The following GPRC5D variants were observed in gnomAD, a reference collection of about 807,000 sequenced individuals.
The protein encoded by GPRC5D is G protein-coupled receptor family C group 5 member D.
A neutral mutation model predicts 29.3 loss-of-function variants in GPRC5D; 20 were observed. The observed-to-expected ratio is 0.68, with a 90% CI of 0.48 to 0.99. The LOEUF is 0.99. Ranked by LOEUF, GPRC5D falls within the 50% of genes least tolerant of loss-of-function variation. The probability of loss-of-function intolerance (pLI) is 0.00; values close to 1 mark genes in which losing one functional copy is unlikely to be tolerated. For synonymous variants in GPRC5D, 178 were observed against 171.3 expected (o/e 1.04, Z -0.30); for missense variants, 384 against 423.6 (o/e 0.91, Z 0.82).
chr12:12,949,945 T>C, exon 1 of GPRC5D: 5 of 1,613,730 alleles, frequency 3.1e-6, no homozygotes, highest in South Asian at 1.1e-5. Context: ...GAGAGTCACA[T>C]ACTCAGTGGC....
chr12:12,944,859 T>TTC lies in GPRC5D; in HGVS notation c.896-2533_896-2532dup, dbSNP rs1158359675. ...CTTCCTTCCTTCCTTCCTTCTTTCT[T>TTC]TCTTTCTTTCTTTCTTTCTTTCTTT... On this transcript the variant is annotated intron_variant, in intron 1 of 2. Coordinates refer to ENST00000228887, the Ensembl canonical transcript of GPRC5D. Among the ~76,000 whole-genome samples, 8 of 92,416 alleles carry TTC rather than the reference T, an allele frequency of 8.7e-5. 1 individual carries two copies. The highest frequency in any genetic ancestry group is 1.3e-4 in the Admixed American group (1 of 7,766). 60.6% of individuals were successfully genotyped at this position (92,416 alleles called of 152,430 possible).
At chr12:12,950,184 G>A in exon 1 of GPRC5D, 1 of 1,613,910 alleles carries the variant, frequency 6.2e-7, no homozygotes, top group Admixed American at 1.7e-5. Flanking sequence ...GGACACTCAG[G>A]AGGAAGAGGA....
At chr12:12,947,765 C>G (rs1284462558) in intron 1 of GPRC5D, among the ~76,000 whole-genome samples, 2 of 152,146 alleles carry the variant, frequency 1.3e-5, no homozygotes, top group African/African-American at 4.8e-5. Flanking sequence ...CCATGTCGCC[C>G]AGGCTGGTCT....
chr12:12,947,069 G>A lies in GPRC5D; in HGVS notation c.895+2421C>T, dbSNP rs1178821244. The A allele has an allele frequency of 2.6e-5, 4 of 152,142 alleles. No homozygotes were observed. The East Asian group carries it at 7.7e-4, about 29-fold the overall frequency. The allele number at this position is 152,142 out of a possible 1,614,324, so 9.4% of individuals were successfully genotyped here. On this transcript the variant is annotated intron_variant, in intron 1 of 2. Coordinates refer to ENST00000228887, the Ensembl canonical transcript of GPRC5D. ...TATACCCTTTAATCATCTTTGTTGGGTTCTGCCAAGCCTCCCCAAACTTCC... is the reference window on the plus strand; with the variant it reads ...TATACCCTTTAATCATCTTTGTTGGATTCTGCCAAGCCTCCCCAAACTTCC...
intron 1 of GPRC5D, chr12:12,947,144 A>G (rs985436228): frequency 3.3e-5 from 5 of 152,214 alleles, no homozygotes; most frequent in African/African-American, 7.2e-5. Context: ...AGACTGACCG[A>G]TTGTGGGTAC....
intron 2 of GPRC5D, among the ~76,000 whole-genome samples, chr12:12,941,151 TC>T (rs559760578): frequency 5.1e-4 from 77 of 152,288 alleles, no homozygotes; most frequent in African/African-American, 1.8e-3. Context: ...CCTCAAGTGA[TC>T]CGCCCACCTC....
upstream of GPRC5D, among the ~76,000 whole-genome samples, chr12:12,951,862 G>A (rs565470300): frequency 1.6e-4 from 25 of 152,190 alleles, no homozygotes; most frequent in African/African-American, 5.8e-4. Context: ...CACCTATTGT[G>A]TGTTCATCAA....
rs1248378257 is a variant in GPRC5D, at chr12:12,942,243, A to G, written c.963+18T>C. 6.5e-7 allele frequency: 1 copy of G among 1,529,350 alleles called. No individual in the cohort carries two copies. Among genetic ancestry groups the G allele is most frequent in the Admixed American group, 1.7e-5 (1 of 59,816 alleles). The allele number at this position is 1,529,350 out of a possible 1,614,324, so 94.7% of individuals were successfully genotyped here. A position where few individuals can be genotyped will look rare whatever the true frequency, so the allele number is the denominator to read the frequency against. ...CTTGCTAAGTCCCTCCTGGGTGAAT[A>G]TAGGCGAGTACATTTACCTGCGGCT... is the stretch of plus-strand genomic sequence containing the variant. On this transcript the variant is annotated intron_variant, in intron 2 of 2. Coordinates refer to ENST00000228887, the Ensembl canonical transcript of GPRC5D.
At chr12:12,951,122 G>A (rs116793834), upstream of GPRC5D, among the ~76,000 whole-genome samples, 1,040 of 152,088 alleles carry the variant, frequency 6.8e-3, 16 homozygotes, top group African/African-American at 0.024. Context: ...AACAAAAACC[G>A]AAAAACAAAA....
chr12:12,946,033 A>G (rs1312322975), intron 1 of GPRC5D, among the ~76,000 whole-genome samples: 1 of 152,202 alleles, frequency 6.6e-6, no homozygotes, highest in Admixed American at 6.5e-5. Context: ...TCCATAATCC[A>G]CTTCGGAGGA....
At chr12:12,949,562 A>C in exon 1 of GPRC5D, 1 of 1,597,958 alleles carries the variant, frequency 6.3e-7, no homozygotes, top group Non-Finnish European at 8.6e-7. Flanking sequence ...TTGCCTTGTA[A>C]AGGGCACTCC....
chr12:12,942,365 C>T lies in GPRC5D; in HGVS notation c.896-37G>A, dbSNP rs779362925. Reference sequence around the variant, plus strand: ...AGGAGGGAAGGGCTGGGTTAGTGTCCGAGAGTCAATCGGAAACAGCACATG... The same window carrying T: ...AGGAGGGAAGGGCTGGGTTAGTGTCTGAGAGTCAATCGGAAACAGCACATG... On this transcript the variant is annotated intron_variant, in intron 1 of 2. Transcript: ENST00000228887. 50 of 1,393,142 alleles carry T rather than the reference C, an allele frequency of 3.6e-5. 1 individual carries two copies. Among genetic ancestry groups the T allele is most frequent in the East Asian group, 1.4e-4 (6 of 43,942 alleles). 86.3% of individuals were successfully genotyped at this position (1,393,142 alleles called of 1,614,324 possible).
chr12:12,950,218 T>G (rs1216726902), exon 1 of GPRC5D: 2 of 1,613,892 alleles, frequency 1.2e-6, no homozygotes, highest in African/African-American at 2.7e-5. Flanking sequence ...GACATTCCAC[T>G]GGCTGCAGTC....
intron 1 of GPRC5D, 59 bp from the exon 3 acceptor site, chr12:12,942,387 C>T: frequency 9.6e-7 from 1 of 1,038,796 alleles, no homozygotes; most frequent in African/African-American, 1.6e-5. Flanking sequence ...GGAAACAGCA[C>T]ATGAGGACTA....
chr12:12,950,430 C>T (rs1209418931), upstream of GPRC5D: 1 of 1,328,468 alleles, frequency 7.5e-7, no homozygotes, highest in East Asian at 2.3e-5. Flanking sequence ...TTCTGATGCC[C>T]TGCAGAAAAA....
In GPRC5D at chr12:12,949,383, C is replaced by G. The variant is rs557876522; in HGVS notation, c.895+107G>C. ...AACTATGAAGCCACCCACCCCAAAT[C>G]TGACCATTTTCTTTTAGTTTCCTCT... On this transcript the variant is annotated intron_variant, in intron 1 of 2. Transcript: ENST00000228887. 7.3e-4 allele frequency: 701 copies of G among 959,130 alleles called. 2 individuals carry two copies. Among genetic ancestry groups the G allele is most frequent in the Non-Finnish European group, 1.0e-3 (634 of 629,370 alleles). 59.4% of individuals were successfully genotyped at this position (959,130 alleles called of 1,614,324 possible).
intron 2 of GPRC5D, 148 bp downstream of exon 3, chr12:12,942,113 G>A (rs1486299662): frequency 3.1e-6 from 2 of 648,548 alleles, no homozygotes; most frequent in Non-Finnish European, 5.5e-6. Flanking sequence ...AATCTGGGTG[G>A]CTCAAGCTCC....
At chr12:12,945,970 A>G (rs898684467) in intron 1 of GPRC5D, among the ~76,000 whole-genome samples, 1 of 152,190 alleles carries the variant, frequency 6.6e-6, no homozygotes, top group East Asian at 1.9e-4. Flanking sequence ...ACAGTAATAC[A>G]CCTGATTGCA....
exon 1 of GPRC5D, chr12:12,950,239 C>G: frequency 6.2e-7 from 1 of 1,614,022 alleles, no homozygotes; most frequent in Non-Finnish European, 8.5e-7. Context: ...TTGGATCTTT[C>G]GCATGAGGAA....
Sources: gnomAD v4.1 joint callset for allele counts (sites outside exome capture counted in the v4.1 genomes callset) on GRCh38, gnomAD v4.1.1 for gene constraint, MANE v1.5 for transcripts, NCBI Gene and HGNC (gene_info 2026-07-23, HGNC 2026-07-21) for gene names.